The following CAMK2D variants were observed in gnomAD, a reference collection of about 807,000 sequenced individuals.
CAMK2D encodes calcium/calmodulin dependent protein kinase II delta.
Under a neutral mutation model 84.0 loss-of-function variants are expected in CAMK2D, and 37 were observed. That is an observed-to-expected ratio of 0.44 (90% CI 0.34 to 0.58). The LOEUF is 0.58. Among genes scored for constraint, CAMK2D ranks in the 20% least tolerant of loss-of-function variants. CAMK2D has a pLI of 0.02. For synonymous variants in CAMK2D, 202 were observed against 212.5 expected, an observed-to-expected ratio of 0.95 and a Z score of 0.43; for missense variants, 448 against 652.5, an observed-to-expected ratio of 0.69 and a Z score of 3.41.
Position 113,537,424 on chromosome 4 carries a change from G to T in CAMK2D, c.434C>A (p.Ala145Asp). The change falls in exon 7 of 21, where the codon GCT becomes GAT. Residue 145 changes from alanine to aspartate, a missense_variant. Physicochemically the swap from Ala to Asp is moderately radical, Grantham distance 126. This residue lies in a region of CAMK2D where 60 missense variants were observed against 70.0 expected (regional missense o/e 0.86). Transcript: ENST00000511664. ...RDLKPENLLL[A>D]SKSKGAAVKL... ...CACAGCTGCTCCCTTGGATTTGCTA[G>T]CTAAAAGCAAATTCTCAGGCTTTAT... 6.2e-7 allele frequency: 1 copy of T among 1,607,492 alleles called. No homozygotes were observed. Among genetic ancestry groups the T allele is most frequent in the Non-Finnish European group, 8.5e-7 (1 of 1,174,430 alleles).
In CAMK2D at chr4:113,552,024, C is replaced by G; in HGVS notation, c.341+7G>C. The G allele has an allele frequency of 6.7e-7, 1 of 1,497,582 alleles. No individual in the cohort carries two copies. The highest frequency in any genetic ancestry group is 9.2e-7 in the Non-Finnish European group (1 of 1,084,652). The allele number at this position is 1,497,582 out of a possible 1,614,324, so 92.8% of individuals were successfully genotyped here. On this transcript the variant is annotated splice_region_variant and intron_variant, in intron 5 of 20. Transcript: ENST00000511664. ...GTCTTGTATCTTGCCCAGGGCAAGT[C>G]ACTTACCTGGCATCAGCTTCACTGT...
intron 4 of CAMK2D, among the ~76,000 whole-genome samples, chr4:113,583,005 C>T (rs17531554): frequency 0.12 from 18,906 of 152,250 alleles, 1,403 homozygotes; most frequent in Non-Finnish European, 0.17. Flanking sequence ...GACTGCTCAG[C>T]TCTTCAGTGG....
chr4:113,610,375 C>T (rs779517420), intron 3 of CAMK2D, among the ~76,000 whole-genome samples: 1 of 152,208 alleles, frequency 6.6e-6, no homozygotes, highest in African/African-American at 2.4e-5. Flanking sequence ...TTTTCTACTA[C>T]AACCTGTTAT....
intron 2 of CAMK2D, among the ~76,000 whole-genome samples, chr4:113,755,997 T>G (rs2099627728): frequency 6.6e-6 from 1 of 152,020 alleles, no homozygotes; most frequent in African/African-American, 2.4e-5. Context: ...ATTTTCAAAA[T>G]AAGCCAAATT....
chr4:113,761,701 G>C lies in CAMK2D; in HGVS notation c.-633C>G. The C allele has an allele frequency of 1.0e-6, 1 of 966,340 alleles. No homozygotes were observed. The highest frequency in any genetic ancestry group is 4.8e-5 in the South Asian group (1 of 20,924). 59.9% of individuals were successfully genotyped at this position (966,340 alleles called of 1,614,324 possible). A position where few individuals can be genotyped will look rare whatever the true frequency, so the allele number is the denominator to read the frequency against. On this transcript the variant is annotated 5_prime_UTR_variant, in exon 1 of 21. Transcript: ENST00000511664. ...ACCTTGGCGGCCTCGCGCTGCTCACGAGCCCGCGCGGCTTCAAGACGGCGC... is the reference window on the plus strand; with the variant it reads ...ACCTTGGCGGCCTCGCGCTGCTCACCAGCCCGCGCGGCTTCAAGACGGCGC...
intron 16 of CAMK2D, among the ~76,000 whole-genome samples, chr4:113,493,502 C>T (rs931349438): frequency 2.6e-5 from 4 of 152,098 alleles, no homozygotes; most frequent in Admixed American, 6.5e-5. Context: ...GGGTTTCTGC[C>T]GAGAGATCAG....
chr4:113,643,624 T>C (rs1486508996), intron 3 of CAMK2D, among the ~76,000 whole-genome samples: 1 of 152,240 alleles, frequency 6.6e-6, no homozygotes, highest in African/African-American at 2.4e-5. Context: ...TACATCTATG[T>C]ACAAAAGTAA....
chr4:113,734,571 G>A (rs2099576559), intron 2 of CAMK2D, among the ~76,000 whole-genome samples: 2 of 152,144 alleles, frequency 1.3e-5, no homozygotes, highest in South Asian at 2.1e-4. Context: ...AGTTCAAATT[G>A]TTCAGTGTTA....
intron 2 of CAMK2D, among the ~76,000 whole-genome samples, chr4:113,690,483 T>C (rs1194329553): frequency 6.6e-6 from 1 of 152,210 alleles, no homozygotes; most frequent in Non-Finnish European, 1.5e-5. Flanking sequence ...CACTGATCTT[T>C]AGTCTTATGC....
At chr4:113,598,184 C>T (rs78562781) in intron 4 of CAMK2D, among the ~76,000 whole-genome samples, 6,246 of 152,152 alleles carry the variant, frequency 0.041, 347 homozygotes, top group East Asian at 0.19. Flanking sequence ...AAAGAACAAA[C>T]AAAGAGATCA....
intron 6 of CAMK2D, 136 bp downstream of exon 6, chr4:113,547,508 G>A: frequency 2.0e-6 from 1 of 494,584 alleles, no homozygotes. Context: ...TGTGGTGAGG[G>A]AAAGTTCCTG....
At chr4:113,687,511 G>A (rs1170400154) in intron 2 of CAMK2D, among the ~76,000 whole-genome samples, 1 of 152,164 alleles carries the variant, frequency 6.6e-6, no homozygotes, top group Non-Finnish European at 1.5e-5. Flanking sequence ...ACTAGTGACT[G>A]ACATGGACCA....
At chr4:113,466,730 A>G (rs2097476053) in intron 16 of CAMK2D, among the ~76,000 whole-genome samples, 2 of 152,212 alleles carry the variant, frequency 1.3e-5, no homozygotes, top group African/African-American at 4.8e-5. Context: ...CTCAAATCCT[A>G]TCTATTCAGT....
Position 113,609,110 on chromosome 4 carries a change from CAATT to C in CAMK2D, c.275+38_275+41del, listed in dbSNP as rs758280830. 7.5e-6 allele frequency: 8 copies of C among 1,065,058 alleles called. No individual in the cohort carries two copies. In the African/African-American group the frequency reaches 9.3e-5, roughly 12 times the overall value. The allele number at this position is 1,065,058 out of a possible 1,614,324, so 66.0% of individuals were successfully genotyped here. A position where few individuals can be genotyped will look rare whatever the true frequency, so the allele number is the denominator to read the frequency against. ...AAAATCATTAATTCAAAACGGTCCT[CAATT>C]AGATTGCAAAAATAATGAATACAGA... On this transcript the variant is annotated intron_variant, in intron 4 of 20. Coordinates refer to ENST00000511664, the MANE Select transcript of CAMK2D (RefSeq NM_001321571.2).
intron 3 of CAMK2D, among the ~76,000 whole-genome samples, chr4:113,616,130 TA>T (rs2099019932): frequency 6.6e-6 from 1 of 152,086 alleles, no homozygotes; most frequent in South Asian, 2.1e-4. Context: ...TAATATCAAC[TA>T]AAATTAAATT....
intron 2 of CAMK2D, among the ~76,000 whole-genome samples, chr4:113,686,861 TACACACAC>T (rs36009295): frequency 1.3e-5 from 2 of 148,628 alleles, no homozygotes; most frequent in Admixed American, 6.7e-5. Context: ...GGTATGTGTA[TACACACAC>T]ACACACACAC....
intron 2 of CAMK2D, among the ~76,000 whole-genome samples, chr4:113,746,997 T>C (rs1460469701): frequency 6.7e-6 from 1 of 149,474 alleles, no homozygotes; most frequent in Non-Finnish European, 1.5e-5. Context: ...TATATATACA[T>C]TGAGTAAAAC....
rs907668070 is a variant in CAMK2D, at chr4:113,680,553, G to T, written c.161-18781C>A. On this transcript the variant is annotated intron_variant, in intron 2 of 20. Transcript: ENST00000511664. ...TCGTAGGACATGAGCTTAAAAAAAA[G>T]TTTAATAGGTTCAAGAAGCTGAGTG... Among the ~76,000 whole-genome samples, 28 of 152,192 alleles carry T rather than the reference G, an allele frequency of 1.8e-4. No individual in the cohort carries two copies. In the East Asian group the frequency reaches 5.4e-3, roughly 29 times the overall value.
chr4:113,630,457 A>C lies in CAMK2D; in HGVS notation c.221-21251T>G, dbSNP rs1388898479. Among the ~76,000 whole-genome samples the C allele has an allele frequency of 2.0e-5, 3 of 152,180 alleles. No individual in the cohort carries two copies. In the East Asian group the frequency reaches 5.8e-4, roughly 29 times the overall value. On this transcript the variant is annotated intron_variant, in intron 3 of 20. Transcript: ENST00000511664. ...GGGTATACGCCATCAATTCTAAGAA[A>C]TTTATTAAACCAATATTGAATAGCT...
Sources: gnomAD v4.1 joint callset for allele counts (sites outside exome capture counted in the v4.1 genomes callset) on GRCh38, gnomAD v4.1.1 for gene constraint, gnomAD v4.1.1 regional missense constraint, MANE v1.5 for transcripts, NCBI Gene and HGNC (gene_info 2026-07-23, HGNC 2026-07-21) for gene names.